Variants in NXPH1 observed in about 807,000 individuals in gnomAD.
NXPH1 encodes the protein neurexophilin-1.
NXPH1 carries 5 observed loss-of-function variants against 23.7 expected under a neutral mutation model. That is an observed-to-expected ratio of 0.21 (90% CI 0.11 to 0.44). The LOEUF is 0.44. NXPH1 is among the 20% of genes least tolerant of loss of function. The probability of loss-of-function intolerance (pLI) is 0.99; values close to 1 mark genes in which losing one functional copy is unlikely to be tolerated. For synonymous variants in NXPH1, 144 were observed against 122.2 expected, an observed-to-expected ratio of 1.18 and a Z score of -1.18; for missense variants, 324 against 321.6, an observed-to-expected ratio of 1.01 and a Z score of -0.06.
intron 2 of NXPH1, among the ~76,000 whole-genome samples, chr7:8,631,018 C>G (rs1820116538): frequency 6.6e-6 from 1 of 152,092 alleles, no homozygotes; most frequent in Non-Finnish European, 1.5e-5. Flanking sequence ...TAAGTGAGAA[C>G]ATGTGGTATT....
intron 2 of NXPH1, among the ~76,000 whole-genome samples, chr7:8,552,122 A>AC (rs1818286853): frequency 5.4e-5 from 8 of 148,312 alleles, no homozygotes; most frequent in Admixed American, 4.7e-4. Context: ...ACCAAAAAAA[A>AC]AAAAAAAAAA....
At chr7:8,595,930 T>A (rs538642141) in intron 2 of NXPH1, among the ~76,000 whole-genome samples, 1 of 152,146 alleles carries the variant, frequency 6.6e-6, no homozygotes, top group South Asian at 2.1e-4. Context: ...AATAATAGGT[T>A]AAGTGATTTT....
At chr7:8,625,640 T>C (rs919331147) in intron 2 of NXPH1, among the ~76,000 whole-genome samples, 7 of 152,120 alleles carry the variant, frequency 4.6e-5, no homozygotes, top group East Asian at 1.9e-4. Flanking sequence ...TTTAACTCTA[T>C]GGGTCCCTAT....
chr7:8,737,102 T>C (rs1276402301), intron 2 of NXPH1, among the ~76,000 whole-genome samples: 1 of 152,216 alleles, frequency 6.6e-6, no homozygotes, highest in Non-Finnish European at 1.5e-5. Flanking sequence ...AGTGTGTGTC[T>C]TTTAATTGGA....
At chr7:8,553,084 C>G (rs1818304076) in intron 2 of NXPH1, among the ~76,000 whole-genome samples, 1 of 151,300 alleles carries the variant, frequency 6.6e-6, no homozygotes, top group African/African-American at 2.4e-5. Flanking sequence ...TGACTAGAGG[C>G]AAAGAGAGAA....
intron 2 of NXPH1, among the ~76,000 whole-genome samples, chr7:8,660,040 G>A (rs1004638844): frequency 6.6e-6 from 1 of 152,188 alleles, no homozygotes; most frequent in African/African-American, 2.4e-5. Flanking sequence ...GAAAAACCCA[G>A]TGTGACTTTC....
At chr7:8,492,889 C>T (rs6977578) in intron 2 of NXPH1, among the ~76,000 whole-genome samples, 73,917 of 151,810 alleles carry the variant, frequency 0.49, 18,607 homozygotes, top group East Asian at 0.87. Flanking sequence ...TTGATTATTT[C>T]CCTTGTAGCC....
intron 2 of NXPH1, among the ~76,000 whole-genome samples, chr7:8,525,819 T>C (rs1167399023): frequency 6.6e-6 from 1 of 152,196 alleles, no homozygotes; most frequent in African/African-American, 2.4e-5. Context: ...AGAATGTGTA[T>C]GGAAATGTCC....
chr7:8,470,017 C>T (rs944061898), intron 2 of NXPH1, among the ~76,000 whole-genome samples: 6 of 152,144 alleles, frequency 3.9e-5, no homozygotes, highest in African/African-American at 1.4e-4. Flanking sequence ...TGTATCTTAA[C>T]ATTGCATACA....
chr7:8,650,518 G>C (rs1200049409), intron 2 of NXPH1, among the ~76,000 whole-genome samples: 8 of 152,152 alleles, frequency 5.3e-5, no homozygotes, highest in Non-Finnish European at 5.9e-5. Flanking sequence ...TTTCAGTTTT[G>C]TCTTCTACCA....
intron 2 of NXPH1, among the ~76,000 whole-genome samples, chr7:8,720,100 G>T (rs1406550451): frequency 8.8e-6 from 1 of 113,480 alleles, no homozygotes; most frequent in Non-Finnish European, 1.8e-5. Context: ...GATGATTGAG[G>T]TTACACTTTA....
chr7:8,581,115 T>C (rs189022991), intron 2 of NXPH1, among the ~76,000 whole-genome samples: 2 of 152,256 alleles, frequency 1.3e-5, no homozygotes, highest in African/African-American at 4.8e-5. Flanking sequence ...AATTTTCAGG[T>C]TTATTGAAAT....
rs144959452 is a variant in NXPH1 at position 8,672,195 on chromosome 7, G to C, written c.55-78813G>C. Among the ~76,000 whole-genome samples the C allele has an allele frequency of 5.7e-3, 871 of 152,166 alleles. 9 individuals carry two copies. The highest frequency in any genetic ancestry group is 0.02 in the African/African-American group (818 of 41,516). On this transcript the variant is annotated intron_variant, in intron 2 of 2. Transcript: ENST00000405863. ...CTTTGTAGGGACATGGATGAAATTG[G>C]AAACCATCATTCTCAGCAAACTATC...
At chr7:8,518,237 AC>A (rs1242045385) in intron 2 of NXPH1, among the ~76,000 whole-genome samples, 1 of 152,114 alleles carries the variant, frequency 6.6e-6, no homozygotes, top group Non-Finnish European at 1.5e-5. Flanking sequence ...CGATTTGTTT[AC>A]TTCTTTTGCA....
intron 2 of NXPH1, among the ~76,000 whole-genome samples, chr7:8,647,781 T>G (rs1253331837): frequency 6.7e-6 from 1 of 149,096 alleles, no homozygotes; most frequent in East Asian, 1.9e-4. Context: ...ACCATTCGGT[T>G]TTTTTTTTTT....
intron 2 of NXPH1, among the ~76,000 whole-genome samples, chr7:8,547,509 G>T (rs6944942): frequency 0.4 from 60,735 of 151,024 alleles, 12,700 homozygotes; most frequent in Middle Eastern, 0.51. Context: ...AGATTCAGGT[G>T]GTACAGGTGG....
At chr7:8,452,597 A>T (rs187929039) in intron 2 of NXPH1, among the ~76,000 whole-genome samples, 257 of 152,284 alleles carry the variant, frequency 1.7e-3, no homozygotes, top group African/African-American at 5.6e-3. Flanking sequence ...ATGGTGGGGA[A>T]TTCAAGCAAT....
intron 2 of NXPH1, among the ~76,000 whole-genome samples, chr7:8,638,342 C>T (rs1354447609): frequency 6.6e-6 from 1 of 152,182 alleles, no homozygotes; most frequent in Non-Finnish European, 1.5e-5. Context: ...CCCGTAGATG[C>T]TCCCATTCAC....
At chr7:8,689,820 T>C (rs1311745703) in intron 2 of NXPH1, among the ~76,000 whole-genome samples, 3 of 152,146 alleles carry the variant, frequency 2.0e-5, no homozygotes, top group Non-Finnish European at 2.9e-5. Flanking sequence ...ATCATGGACT[T>C]AGTGACTGCT....
Sources: gnomAD v4.1 joint callset for allele counts (sites outside exome capture counted in the v4.1 genomes callset) on GRCh38, gnomAD v4.1.1 for gene constraint, MANE v1.5 for transcripts, NCBI Gene and HGNC (gene_info 2026-07-23, HGNC 2026-07-21) for gene names.